The following LHPP variants were observed in gnomAD, a reference collection of about 807,000 sequenced individuals.
LHPP encodes the protein hLHPP.
Under a neutral mutation model 30.3 loss-of-function variants are expected in LHPP, and 24 were observed. The observed-to-expected ratio is 0.79, with a 90% CI of 0.57 to 1.11. The LOEUF (loss-of-function observed/expected upper bound fraction) is 1.11. LHPP is among the 50% of genes most tolerant of loss of function. LHPP has a pLI of 0.00. For synonymous variants in LHPP, 150 were observed against 157.1 expected, an observed-to-expected ratio of 0.95 and a Z score of 0.34; for missense variants, 356 against 367.2, an observed-to-expected ratio of 0.97 and a Z score of 0.25.
intron 1 of LHPP, among the ~76,000 whole-genome samples, chr10:124,474,911 C>G (rs955668573): frequency 3.9e-5 from 6 of 152,180 alleles, no homozygotes; most frequent in African/African-American, 1.4e-4. Context: ...CACCTGGCTT[C>G]CTCTCAGAAT....
chr10:124,498,400 G>C, intron 5 of LHPP: 1 of 1,546,890 alleles, frequency 6.5e-7, no homozygotes, highest in Non-Finnish European at 8.7e-7. Flanking sequence ...TCTCTGAAAG[G>C]ATAAGAATTG....
chr10:124,518,529 G>A (rs866958830), intron 6 of LHPP, among the ~76,000 whole-genome samples: 2 of 152,226 alleles, frequency 1.3e-5, no homozygotes, highest in African/African-American at 2.4e-5. Context: ...CCAGCCCGGC[G>A]CCCCATGCGT....
At chr10:124,565,107 C>A (rs969111195) in intron 6 of LHPP, among the ~76,000 whole-genome samples, 1 of 152,130 alleles carries the variant, frequency 6.6e-6, no homozygotes, top group Non-Finnish European at 1.5e-5. Context: ...GCAAACACGA[C>A]GCCCGGCAAT....
At chr10:124,468,848 G>A (rs1480353844) in intron 1 of LHPP, among the ~76,000 whole-genome samples, 3 of 152,266 alleles carry the variant, frequency 2.0e-5, no homozygotes, top group East Asian at 1.9e-4. Context: ...ACCCTCCCTC[G>A]CATGCCTGTG....
rs1323268086 is a variant in LHPP, at chr10:124,596,204, C to A, written c.717-17060C>A. On this transcript the variant is annotated intron_variant, in intron 6 of 6. Coordinates refer to ENST00000368842, the MANE Select transcript of LHPP (RefSeq NM_022126.4). The surrounding 1 kb of genome is among the most constrained non-coding windows in gnomAD (Gnocchi z 4.6). ...TGGCTTGGGGTCCTTATGAACAGAG[C>A]TGATCAGAACATATCTGTCCATGGC... Among the ~76,000 whole-genome samples, 1 of 152,060 alleles carries A rather than the reference C, an allele frequency of 6.6e-6. No homozygotes were observed. Among genetic ancestry groups the A allele is most frequent in the African/African-American group, 2.4e-5 (1 of 41,422 alleles).
At position 124,588,298 on chromosome 10, in the gene LHPP, C is replaced by CTTTTTTTTTTTTTT. The variant is rs55633265; in HGVS notation, c.717-24955_717-24954insTTTTTTTTTTTTTT. On this transcript the variant is annotated intron_variant, in intron 6 of 6. Coordinates refer to ENST00000368842, the MANE Select transcript of LHPP (RefSeq NM_022126.4). ...ACTTATGCTTTTACTTTTTTCTCTT[C>CTTTTTTTTTTTTTT]TTTTTTTTTTTAAGACTGAGTCTTG... 5.3e-4 allele frequency among the ~76,000 whole-genome samples: 78 copies of CTTTTTTTTTTTTTT among 146,960 alleles called. 1 individual carries two copies. The highest frequency in any genetic ancestry group is 2.0e-3 in the African/African-American group (77 of 39,082).
intron 1 of LHPP, among the ~76,000 whole-genome samples, chr10:124,471,467 ATATATTATATATATTTATATATT>A (rs1952742031): frequency 3.1e-4 from 1 of 3,194 alleles, no homozygotes; most frequent in African/African-American, 3.8e-4. Context: ...ATATATATTT[ATATATTATATATATTTATATATT>A]TATATATATT....
intron 6 of LHPP, among the ~76,000 whole-genome samples, chr10:124,555,915 A>G (rs1029261498): frequency 6.6e-6 from 1 of 151,940 alleles, no homozygotes; most frequent in Non-Finnish European, 1.5e-5. Flanking sequence ...CTTACAGATG[A>G]ATGAAGTCAC....
At chr10:124,544,387 G>C (rs12573163) in intron 6 of LHPP, among the ~76,000 whole-genome samples, 10,661 of 152,260 alleles carry the variant, frequency 0.07, 694 homozygotes, top group African/African-American at 0.17. Context: ...CAGGGGTCAG[G>C]AGCAGACTGG....
rs71026102 is a variant in LHPP, at chr10:124,594,329, CAA to C, written c.717-18914_717-18913del. ...TGGGCGGCAGAGTGAGACTCCATCT[CAA>C]AAAAAAAAAAAAAAAAAAAAGACAG... On this transcript the variant is annotated intron_variant, in intron 6 of 6. Transcript: ENST00000368842. Among the ~76,000 whole-genome samples the C allele has an allele frequency of 8.0e-5, 6 of 75,342 alleles. No homozygotes were observed. The East Asian group carries it at 1.7e-3, about 21-fold the overall frequency. The allele number at this position is 75,342 out of a possible 152,430, so 49.4% of individuals were successfully genotyped here. A position where few individuals can be genotyped will look rare whatever the true frequency, so the allele number is the denominator to read the frequency against.
intron 5 of LHPP, among the ~76,000 whole-genome samples, chr10:124,507,935 AG>A (rs57609968): frequency 0.69 from 76,354 of 110,430 alleles, 28,443 homozygotes; most frequent in South Asian, 0.82. Context: ...GGTAGGCATG[AG>A]GGCTGCAGTG....
chr10:124,530,970 G>A (rs1954887477), intron 6 of LHPP, among the ~76,000 whole-genome samples: 1 of 152,128 alleles, frequency 6.6e-6, no homozygotes, highest in Non-Finnish European at 1.5e-5. Flanking sequence ...ACACGCTCTG[G>A]GCATTGGGGG....
At chr10:124,497,309 C>T (rs971843301) in intron 4 of LHPP, among the ~76,000 whole-genome samples, 1 of 102,314 alleles carries the variant, frequency 9.8e-6, no homozygotes. Flanking sequence ...GTGGGCGCAG[C>T]CCCCCCTGCC....
chr10:124,565,711 C>T (rs754247759), intron 6 of LHPP, among the ~76,000 whole-genome samples: 24 of 152,310 alleles, frequency 1.6e-4, no homozygotes, highest in Non-Finnish European at 2.6e-4. Flanking sequence ...TTGGCACAGG[C>T]GGAAGAAGCC....
intron 6 of LHPP, among the ~76,000 whole-genome samples, chr10:124,611,389 T>G (rs1949195822): frequency 6.6e-6 from 1 of 151,432 alleles, no homozygotes; most frequent in East Asian, 1.9e-4. Flanking sequence ...GGTGACCACT[T>G]CTTCCTTGGA....
At chr10:124,464,465 G>T (rs1456198472) in intron 1 of LHPP, among the ~76,000 whole-genome samples, 3 of 152,196 alleles carry the variant, frequency 2.0e-5, no homozygotes, top group African/African-American at 7.2e-5. Flanking sequence ...GCTGGGAACT[G>T]GGAACAGGGA....
At chr10:124,481,438 T>C (rs1173285708) in intron 1 of LHPP, among the ~76,000 whole-genome samples, 1 of 141,552 alleles carries the variant, frequency 7.1e-6, no homozygotes, top group Non-Finnish European at 1.5e-5. Context: ...GGGCAGTGGC[T>C]TGATCTTGGC....
At chr10:124,549,286 A>G (rs1376393519) in intron 6 of LHPP, among the ~76,000 whole-genome samples, 1 of 152,144 alleles carries the variant, frequency 6.6e-6, no homozygotes, top group African/African-American at 2.4e-5. Context: ...AAAATAAATT[A>G]GCAGGGCATG....
At chr10:124,542,615 G>A (rs372501589) in intron 6 of LHPP, among the ~76,000 whole-genome samples, 1 of 152,288 alleles carries the variant, frequency 6.6e-6, no homozygotes, top group South Asian at 2.1e-4. Context: ...GTACCAGCCT[G>A]GGGGAGGGGG....
Sources: gnomAD v4.1 joint callset for allele counts (sites outside exome capture counted in the v4.1 genomes callset) on GRCh38, gnomAD v4.1.1 for gene constraint, Gnocchi (gnomAD v3.1) non-coding constraint, MANE v1.5 for transcripts, NCBI Gene and HGNC (gene_info 2026-07-23, HGNC 2026-07-21) for gene names.